TBC1D20: variants seen among roughly 807,000 people sequenced by gnomAD.
The protein encoded by TBC1D20 is TBC1 domain family member 20.
TBC1D20 carries 12 observed loss-of-function variants against 41.6 expected under a neutral mutation model. The ratio of observed to expected loss-of-function variants is 0.29; its 90% CI spans 0.18 to 0.47. TBC1D20 has a LOEUF of 0.47. Among genes scored for constraint, TBC1D20 ranks in the 20% least tolerant of loss-of-function variants. TBC1D20 has a pLI of 1.00. For synonymous variants in TBC1D20, 205 were observed against 204.8 expected (o/e 1.00, Z -0.01); for missense variants, 421 against 517.4 (o/e 0.81, Z 1.81).
chr20:446,648 G>A (rs1434293173), intron 2 of TBC1D20, among the ~76,000 whole-genome samples: 1 of 151,794 alleles, frequency 6.6e-6, no homozygotes, highest in African/African-American at 2.4e-5. Context: ...GACAAAAGAG[G>A]GTGTTTTTGT....
rs750440136 is a variant in TBC1D20, at chr20:439,281, G to A, written c.783C>T (p.Arg261=). 29 of 1,610,044 alleles carry A rather than the reference G, an allele frequency of 1.8e-5. No individual in the cohort carries two copies. The highest frequency in any genetic ancestry group is 1.7e-4 in the Middle Eastern group (1 of 6,054). Residue 261 remains arginine (R), a synonymous_variant, in exon 7 of 8, where the codon CGC becomes CGT. Coordinates refer to ENST00000354200, the MANE Select transcript of TBC1D20 (RefSeq NM_144628.4). This position sits in a 1 kb window ranked among gnomAD's most constrained non-coding sequence, Gnocchi z 4.6. ...AGTCACAGTCCAGGACTTCCTGCTC[G>A]CGATACAACACAATCTGTGGGGAGG... is the stretch of plus-strand genomic sequence containing the variant. ...IYFAAVIVLY[R]EQEVLDCDCD... is the part of the protein sequence containing the mutation.
At chr20:448,122 T>G (rs1382596227) in intron 1 of TBC1D20, 48 bp from the exon 2 acceptor site, 4 of 1,439,696 alleles carry the variant, frequency 2.8e-6, no homozygotes, top group Admixed American at 1.7e-5. Flanking sequence ...AGCACGTGCA[T>G]ATTTTCTGCC....
At chr20:447,105 T>C (rs1025612521) in intron 2 of TBC1D20, among the ~76,000 whole-genome samples, 1 of 149,538 alleles carries the variant, frequency 6.7e-6, no homozygotes, top group African/African-American at 2.5e-5. Flanking sequence ...CCTGCCACCA[T>C]ACCTGGCTAA....
intron 3 of TBC1D20, 126 bp downstream of exon 3, chr20:444,924 A>G (rs2122394106): frequency 1.3e-6 from 1 of 749,202 alleles, no homozygotes; most frequent in Non-Finnish European, 2.2e-6. Context: ...CAAGAAAAGG[A>G]TGACTCAGCA....
At chr20:455,842 G>C (rs2017530753) in intron 1 of TBC1D20, among the ~76,000 whole-genome samples, 1 of 152,014 alleles carries the variant, frequency 6.6e-6, no homozygotes, top group Non-Finnish European at 1.5e-5. Context: ...TGAGGCAGGA[G>C]AATCACTTGA....
chr20:459,264 C>T (rs1386782436), intron 1 of TBC1D20, among the ~76,000 whole-genome samples: 2 of 152,152 alleles, frequency 1.3e-5, no homozygotes, highest in East Asian at 1.9e-4. Context: ...TATTGTATTT[C>T]GAGATAAACT....
chr20:439,413 A>T lies in TBC1D20; in HGVS notation c.769-118T>A, dbSNP rs1375403469. On this transcript the variant is annotated intron_variant, in intron 6 of 7. Transcript: ENST00000354200. This position sits in a 1 kb window ranked among gnomAD's most constrained non-coding sequence, Gnocchi z 4.6. ...TGGTAACAGACAGGACTCAGCCCAAATGTTGAGCAAACTCTTGTATCCATC... is the reference window on the plus strand; with the variant it reads ...TGGTAACAGACAGGACTCAGCCCAATTGTTGAGCAAACTCTTGTATCCATC... 1 of 721,208 alleles carries T rather than the reference A, an allele frequency of 1.4e-6. No individual in the cohort carries two copies. The highest frequency in any genetic ancestry group is 2.3e-6 in the Non-Finnish European group (1 of 432,862). 44.7% of individuals were successfully genotyped at this position (721,208 alleles called of 1,614,324 possible). A position where few individuals can be genotyped will look rare whatever the true frequency, so the allele number is the denominator to read the frequency against.
intron 1 of TBC1D20, 35 bp downstream of exon 1, chr20:462,301 C>T: frequency 1.6e-6 from 2 of 1,263,368 alleles, no homozygotes; most frequent in Non-Finnish European, 1.0e-6. Context: ...GCCGCCCTCG[C>T]AGGCCGCTCC....
chr20:460,219 T>A (rs1007396905), intron 1 of TBC1D20, among the ~76,000 whole-genome samples: 77 of 152,120 alleles, frequency 5.1e-4, no homozygotes, highest in African/African-American at 1.6e-3. Flanking sequence ...GGGGGGCCGT[T>A]TTGTGTGGAG....
At chr20:453,469 G>A (rs898597264) in intron 1 of TBC1D20, among the ~76,000 whole-genome samples, 2 of 142,544 alleles carry the variant, frequency 1.4e-5, no homozygotes, top group African/African-American at 5.3e-5. Flanking sequence ...CGACAAGAGC[G>A]AAACTCCGTC....
At chr20:453,539 C>CTTTTTTTTTT (rs1198052752) in intron 1 of TBC1D20, among the ~76,000 whole-genome samples, 3 of 109,726 alleles carry the variant, frequency 2.7e-5, no homozygotes, top group African/African-American at 7.8e-5. Flanking sequence ...TGTAATCCAG[C>CTTTTTTTTTT]ATTTTTTTTT....
At chr20:444,092 T>C (rs987059244) in intron 3 of TBC1D20, among the ~76,000 whole-genome samples, 12 of 150,288 alleles carry the variant, frequency 8.0e-5, no homozygotes, top group Admixed American at 6.6e-5. Context: ...GACAGTGCCA[T>C]TGCACTCCAG....
intron 1 of TBC1D20, among the ~76,000 whole-genome samples, chr20:460,427 C>A: frequency 8.7e-6 from 1 of 115,074 alleles, no homozygotes; most frequent in Non-Finnish European, 1.8e-5. Context: ...GGCAAGATCC[C>A]ATCTCTCAAA....
At chr20:452,130 A>C (rs1600339007) in intron 1 of TBC1D20, among the ~76,000 whole-genome samples, 1 of 152,152 alleles carries the variant, frequency 6.6e-6, no homozygotes, top group Non-Finnish European at 1.5e-5. Context: ...AACATGAGGA[A>C]ACCCCGTCTC....
rs1188151091 is a variant in TBC1D20 at position 436,429 on chromosome 20, T to C, written c.*2157A>G. On this transcript the variant is annotated 3_prime_UTR_variant, in exon 8 of 8. Coordinates refer to ENST00000354200, the MANE Select transcript of TBC1D20 (RefSeq NM_144628.4). The stretch of plus-strand genomic sequence containing the variant: ...GGGAGAATCCTGGTGTCAGCAAAGT[T>C]AGAAAACAGATAAACATTCTCCTTC... 1 of 152,618 alleles carries C rather than the reference T, an allele frequency of 6.6e-6. No homozygotes were observed. Among genetic ancestry groups the C allele is most frequent in the African/African-American group, 2.4e-5 (1 of 41,446 alleles). 9.5% of individuals were successfully genotyped at this position (152,618 alleles called of 1,614,324 possible).
intron 1 of TBC1D20, among the ~76,000 whole-genome samples, chr20:449,654 T>C (rs945322403): frequency 6.6e-6 from 1 of 152,168 alleles, no homozygotes. Flanking sequence ...TTGGTTCAAA[T>C]CCTGGCTCTG....
chr20:449,532 G>A (rs1033388502), intron 1 of TBC1D20, among the ~76,000 whole-genome samples: 6 of 151,510 alleles, frequency 4.0e-5, no homozygotes, highest in African/African-American at 1.5e-4. Context: ...GGAGGCTGAA[G>A]TTGCAGTGAG....
At chr20:440,427 G>A in intron 5 of TBC1D20, 38 bp from the exon 6 acceptor site, 1 of 1,611,026 alleles carries the variant, frequency 6.2e-7, no homozygotes, top group Non-Finnish European at 8.5e-7. Context: ...GGTCCTGTGG[G>A]CCATCCCTTC....
rs759975278 is a variant in TBC1D20 at position 438,522 on chromosome 20, T to C, written c.*64A>G. 37 of 1,564,298 alleles carry C rather than the reference T, an allele frequency of 2.4e-5. No homozygotes were observed. Among genetic ancestry groups the C allele is most frequent in the Non-Finnish European group, 3.1e-5 (35 of 1,146,236 alleles). Reference sequence around the variant, plus strand: ...CTTTTAATAAAGGAAATTCCACCCCTCCCAATCCTTCCATGGAAGGGTGAG... The same window carrying C: ...CTTTTAATAAAGGAAATTCCACCCCCCCCAATCCTTCCATGGAAGGGTGAG... On this transcript the variant is annotated 3_prime_UTR_variant, in exon 8 of 8. Coordinates refer to ENST00000354200, the MANE Select transcript of TBC1D20 (RefSeq NM_144628.4).
Sources: allele counts gnomAD v4.1 joint callset (sites outside exome capture counted in the v4.1 genomes callset), GRCh38; gene constraint gnomAD v4.1.1; non-coding constraint Gnocchi (gnomAD v3.1); transcripts MANE v1.5; gene names NCBI Gene and HGNC (gene_info 2026-07-23, HGNC 2026-07-21).